CEP128: variants seen among roughly 807,000 people sequenced by gnomAD.
CEP128 encodes centrosomal protein 128.
A neutral mutation model predicts 156.7 loss-of-function variants in CEP128; 132 were observed. The observed-to-expected ratio is 0.84, with a 90% CI of 0.73 to 0.97. The LOEUF (loss-of-function observed/expected upper bound fraction) is 0.97. CEP128 is among the 50% of genes least tolerant of loss of function. CEP128 has a pLI of 0.00. For synonymous variants in CEP128, 469 were observed against 448.9 expected, an observed-to-expected ratio of 1.04 and a Z score of -0.57; for missense variants, 1,252 against 1,281.9, an observed-to-expected ratio of 0.98 and a Z score of 0.36.
At chr14:80,494,960 T>A (rs1428535503), downstream of CEP128, among the ~76,000 whole-genome samples, 1 of 152,150 alleles carries the variant, frequency 6.6e-6, no homozygotes, top group Non-Finnish European at 1.5e-5. Flanking sequence ...GGGAAAAACA[T>A]TGAGCCAGAT....
At chr14:80,752,385 T>TAG (rs1347415497) in intron 18 of CEP128, among the ~76,000 whole-genome samples, 1 of 152,196 alleles carries the variant, frequency 6.6e-6, no homozygotes, top group Non-Finnish European at 1.5e-5. Flanking sequence ...TTCTCTACCT[T>TAG]TTCACTAAGT....
chr14:80,740,615 AC>A (rs1022421143), intron 19 of CEP128, among the ~76,000 whole-genome samples: 89 of 152,322 alleles, frequency 5.8e-4, no homozygotes, highest in Non-Finnish European at 8.5e-4. Context: ...ACAGGTGTTA[AC>A]CAAAAATAAT....
chr14:80,732,684 A>G (rs545522356), intron 19 of CEP128, among the ~76,000 whole-genome samples: 1 of 152,178 alleles, frequency 6.6e-6, no homozygotes, highest in Non-Finnish European at 1.5e-5. Flanking sequence ...ATGCTTTACT[A>G]AACAGCAGAT....
chr14:80,728,797 A>C (rs570247634), intron 19 of CEP128, among the ~76,000 whole-genome samples: 1 of 152,346 alleles, frequency 6.6e-6, no homozygotes, highest in East Asian at 1.9e-4. Context: ...ATGTATGCAG[A>C]TATCAACATT....
intron 19 of CEP128, among the ~76,000 whole-genome samples, chr14:80,674,561 T>G (rs1445004475): frequency 1.3e-5 from 2 of 152,130 alleles, no homozygotes; most frequent in African/African-American, 4.8e-5. Context: ...ATAAGAACAT[T>G]TCTTTATTAA....
At chr14:80,680,420 T>C in intron 19 of CEP128, among the ~76,000 whole-genome samples, 1 of 152,134 alleles carries the variant, frequency 6.6e-6, no homozygotes, top group East Asian at 1.9e-4. Flanking sequence ...CTGCGCTCCA[T>C]GCCCAGGAAG....
chr14:80,581,622 T>C (rs1891596835), intron 19 of CEP128, among the ~76,000 whole-genome samples: 1 of 152,188 alleles, frequency 6.6e-6, no homozygotes, highest in Non-Finnish European at 1.5e-5. Context: ...TAAGAGATTG[T>C]TTCTATTCTG....
At chr14:80,500,518 G>C (rs570472864) in intron 24 of CEP128, among the ~76,000 whole-genome samples, 152 of 152,146 alleles carry the variant, frequency 1.0e-3, no homozygotes, top group South Asian at 2.9e-3. Flanking sequence ...TTAAAGCTGG[G>C]GTTTTCTCAG....
chr14:80,886,520 A>G (rs1421215923), intron 8 of CEP128, among the ~76,000 whole-genome samples: 1 of 152,234 alleles, frequency 6.6e-6, no homozygotes, highest in Non-Finnish European at 1.5e-5. Flanking sequence ...TTTCATATCC[A>G]GCCAAACTAA....
At chr14:80,673,240 ATTTG>A (rs1895913657) in intron 19 of CEP128, among the ~76,000 whole-genome samples, 1 of 152,164 alleles carries the variant, frequency 6.6e-6, no homozygotes, top group South Asian at 2.1e-4. Flanking sequence ...TCTTTGCGGT[ATTTG>A]TTTGCACTAT....
At chr14:80,549,607 A>C (rs74064243) in intron 21 of CEP128, among the ~76,000 whole-genome samples, 1,594 of 152,320 alleles carry the variant, frequency 0.01, 34 homozygotes, top group African/African-American at 0.036. Flanking sequence ...AATACTTAGG[A>C]GAAGCATTGC....
intron 19 of CEP128, among the ~76,000 whole-genome samples, chr14:80,633,921 A>T (rs566386606): frequency 6.6e-6 from 1 of 152,212 alleles, no homozygotes; most frequent in Non-Finnish European, 1.5e-5. Context: ...AGAGCTATGT[A>T]CAGGGCCCTC....
At chr14:80,955,458 G>C in intron 2 of CEP128, 1 of 608,712 alleles carries the variant, frequency 1.6e-6, no homozygotes, top group Non-Finnish European at 2.9e-6. Context: ...GAAGCAAGCA[G>C]ACTTGTTTGG....
At chr14:80,607,669 CTAGTA>C (rs1892840245) in intron 19 of CEP128, among the ~76,000 whole-genome samples, 1 of 152,050 alleles carries the variant, frequency 6.6e-6, no homozygotes, top group African/African-American at 2.4e-5. Context: ...ACACTTAGGT[CTAGTA>C]TGGCAGGAGC....
rs529448001 is a variant in CEP128 at position 80,531,805 on chromosome 14, T to C, written c.2881-919A>G. 1.5e-3 allele frequency among the ~76,000 whole-genome samples: 232 copies of C among 152,284 alleles called. 1 individual carries two copies. Among genetic ancestry groups the C allele is most frequent in the African/African-American group, 5.1e-3 (212 of 41,572 alleles). On this transcript the variant is annotated intron_variant, in intron 21 of 24. Transcript: ENST00000555265. The stretch of plus-strand genomic sequence containing the variant: ...TGCAGGGAAGTTAGTGGCCCCTCAA[T>C]ATTCCATGTGCTTCCCTACTTCTCC...
intron 19 of CEP128, among the ~76,000 whole-genome samples, chr14:80,650,625 G>A (rs1198137891): frequency 6.6e-6 from 1 of 152,146 alleles, no homozygotes; most frequent in Non-Finnish European, 1.5e-5. Flanking sequence ...TTTTTAGCAT[G>A]AAGCTGTGCT....
intron 21 of CEP128, among the ~76,000 whole-genome samples, chr14:80,538,608 C>G (rs142190947): frequency 6.6e-6 from 1 of 152,150 alleles, no homozygotes; most frequent in East Asian, 1.9e-4. Flanking sequence ...GTCTATCCTT[C>G]GATCCAACTT....
intron 13 of CEP128, among the ~76,000 whole-genome samples, chr14:80,814,483 TA>T (rs35031124): frequency 4.7e-5 from 7 of 150,330 alleles, no homozygotes; most frequent in African/African-American, 9.8e-5. Context: ...ATTATTTGGT[TA>T]AAAAAAAAAT....
chr14:80,878,706 C>T (rs1888394781), intron 8 of CEP128, among the ~76,000 whole-genome samples: 1 of 152,184 alleles, frequency 6.6e-6, no homozygotes, highest in Non-Finnish European at 1.5e-5. Context: ...TCCCAACCCC[C>T]TGGGCCTGAG....
Sources: allele counts gnomAD v4.1 joint callset (sites outside exome capture counted in the v4.1 genomes callset), GRCh38; gene constraint gnomAD v4.1.1; transcripts MANE v1.5; gene names NCBI Gene and HGNC (gene_info 2026-07-23, HGNC 2026-07-21).